The following XKR6 variants were observed in gnomAD, a reference collection of about 807,000 sequenced individuals.
XKR6 encodes XK-related protein 6.
XKR6 carries 22 observed loss-of-function variants against 56.7 expected under a neutral mutation model. The observed-to-expected ratio is 0.39, with a 90% CI of 0.28 to 0.55. The LOEUF is 0.55. Among genes scored for constraint, XKR6 ranks in the 20% least tolerant of loss-of-function variants. XKR6 has a pLI of 0.66. For synonymous variants in XKR6, 524 were observed against 387.8 expected, an observed-to-expected ratio of 1.35 and a Z score of -4.13; for missense variants, 852 against 889.0, an observed-to-expected ratio of 0.96 and a Z score of 0.53.
At chr8:11,076,872 G>A (rs17152810) in intron 1 of XKR6, among the ~76,000 whole-genome samples, 4,782 of 152,216 alleles carry the variant, frequency 0.031, 265 homozygotes, top group African/African-American at 0.11. Flanking sequence ...TGATTCCTTC[G>A]TCCATTCAAA....
At chr8:11,076,690 G>A (rs1313561730) in intron 1 of XKR6, among the ~76,000 whole-genome samples, 1 of 152,200 alleles carries the variant, frequency 6.6e-6, no homozygotes, top group African/African-American at 2.4e-5. Context: ...CAGTAAGGAA[G>A]GGTCCAGCTG....
intron 1 of XKR6, among the ~76,000 whole-genome samples, chr8:11,193,574 A>G (rs1486456283): frequency 1.3e-5 from 2 of 152,170 alleles, no homozygotes; most frequent in African/African-American, 4.8e-5. Flanking sequence ...CTTATACCTT[A>G]ATCTAAACAA....
intron 1 of XKR6, among the ~76,000 whole-genome samples, chr8:10,982,909 G>A (rs1421537460): frequency 6.6e-6 from 1 of 152,186 alleles, no homozygotes; most frequent in African/African-American, 2.4e-5. Context: ...TGGCTCCACT[G>A]GGACCCCATT....
intron 2 of XKR6, among the ~76,000 whole-genome samples, chr8:10,913,093 TAG>T (rs1165403879): frequency 1.3e-5 from 2 of 151,158 alleles, no homozygotes; most frequent in Admixed American, 6.6e-5. Flanking sequence ...TATCTATATA[TAG>T]AGAGAGAGTA....
In XKR6 at chr8:10,897,499, G is replaced by GT. The variant is rs1177458601; in HGVS notation, c.*452dup. 2.0e-5 allele frequency: 3 copies of GT among 153,188 alleles called. No homozygotes were observed. The highest frequency in any genetic ancestry group is 7.2e-5 in the African/African-American group (3 of 41,444). 9.5% of individuals were successfully genotyped at this position (153,188 alleles called of 1,614,324 possible). A position where few individuals can be genotyped will look rare whatever the true frequency, so the allele number is the denominator to read the frequency against. On this transcript the variant is annotated 3_prime_UTR_variant, in exon 3 of 3. Transcript: ENST00000416569. ...ACCTAAGGGCATAAGGCAGTTGAAG[G>GT]TTTTTTGTTTGTTTGTGTTTGTTTT...
intron 1 of XKR6, among the ~76,000 whole-genome samples, chr8:11,045,302 G>A (rs1292321671): frequency 2.6e-5 from 4 of 151,506 alleles, no homozygotes; most frequent in Non-Finnish European, 5.9e-5. Flanking sequence ...TGACTAGGCT[G>A]GTCTCGAACT....
chr8:10,924,576 C>A, intron 2 of XKR6, 58 bp downstream of exon 2: 1 of 1,553,646 alleles, frequency 6.4e-7, no homozygotes, highest in South Asian at 1.2e-5. Context: ...GGGAGGCGGC[C>A]GTGGTCCCCA....
intron 1 of XKR6, among the ~76,000 whole-genome samples, chr8:11,154,975 A>T (rs571257522): frequency 6.6e-6 from 1 of 152,352 alleles, no homozygotes; most frequent in South Asian, 2.1e-4. Flanking sequence ...GGAAAGACAA[A>T]TCAAGAAATA....
intron 1 of XKR6, among the ~76,000 whole-genome samples, chr8:11,015,029 G>A (rs1220866089): frequency 1.3e-5 from 2 of 152,170 alleles, no homozygotes; most frequent in African/African-American, 4.8e-5. Context: ...TGAGAGGACA[G>A]GGACTGATGA....
intron 1 of XKR6, chr8:11,107,983 A>G: frequency 3.1e-6 from 1 of 320,968 alleles, no homozygotes; most frequent in East Asian, 9.2e-5. Flanking sequence ...CTCGGTCCCA[A>G]TATTAGAGTT....
At chr8:11,035,170 C>A (rs761125495) in intron 1 of XKR6, 10 of 534,228 alleles carry the variant, frequency 1.9e-5, no homozygotes, top group Non-Finnish European at 3.5e-5. Flanking sequence ...CAGTCTCGTG[C>A]CCAGCCCAGC....
At chr8:11,120,612 C>T (rs567231136) in intron 1 of XKR6, among the ~76,000 whole-genome samples, 1 of 152,086 alleles carries the variant, frequency 6.6e-6, no homozygotes, top group East Asian at 1.9e-4. Flanking sequence ...CCATACTGCC[C>T]AAGGTAATTT....
Position 10,898,604 on chromosome 8 carries a change from A to G in XKR6, c.1274T>C (p.Val425Ala). Residue 425 changes from valine (V) to alanine (A), a missense_variant, in exon 3 of 3, where the codon GTG becomes GCG. Physicochemically the swap from Val to Ala is moderately conservative, Grantham distance 64. Coordinates refer to ENST00000416569, the MANE Select transcript of XKR6 (RefSeq NM_173683.4). This position sits in a 1 kb window ranked among gnomAD's most constrained non-coding sequence, Gnocchi z 6.6. ...GACGTTAAACCAGCAGAAAATGTAC[A>G]CGATCCCTACCACCATGTTGAAGAG... ...EILFNMVVGI[V>A]YIFCWFNVKE... The G allele has an allele frequency of 1.2e-6, 2 of 1,614,136 alleles. No homozygotes were observed. The highest frequency in any genetic ancestry group is 2.2e-5 in the South Asian group (2 of 91,062).
chr8:10,938,410 C>T (rs1801291859), intron 1 of XKR6, among the ~76,000 whole-genome samples: 1 of 152,204 alleles, frequency 6.6e-6, no homozygotes. Context: ...CCTATTCGGC[C>T]ATCTTGGCTC....
intron 1 of XKR6, among the ~76,000 whole-genome samples, chr8:10,968,592 C>T (rs1802303145): frequency 6.6e-6 from 1 of 152,220 alleles, no homozygotes; most frequent in Admixed American, 6.5e-5. Context: ...GACACCAGTC[C>T]TCGGTGTTTG....
At chr8:11,054,182 T>C (rs1274221124) in intron 1 of XKR6, among the ~76,000 whole-genome samples, 1 of 152,104 alleles carries the variant, frequency 6.6e-6, no homozygotes, top group South Asian at 2.1e-4. Flanking sequence ...TTTGAGAGAA[T>C]TGCATGCAAG....
intron 1 of XKR6, among the ~76,000 whole-genome samples, chr8:11,122,611 A>C (rs574092296): frequency 1.3e-5 from 2 of 152,228 alleles, no homozygotes; most frequent in Non-Finnish European, 2.9e-5. Flanking sequence ...TATTCTTTAG[A>C]TATCAGGCCA....
At chr8:11,073,563 A>G (rs57949532) in intron 1 of XKR6, among the ~76,000 whole-genome samples, 1,923 of 152,346 alleles carry the variant, frequency 0.013, 42 homozygotes, top group African/African-American at 0.044. Context: ...GCTGTAACAT[A>G]TGCACTGATC....
At chr8:10,962,108 C>T (rs769640010) in intron 1 of XKR6, among the ~76,000 whole-genome samples, 9 of 152,152 alleles carry the variant, frequency 5.9e-5, no homozygotes, top group African/African-American at 9.7e-5. Flanking sequence ...TGACTTTCCG[C>T]GGGGGCGACA....
Sources: allele counts gnomAD v4.1 joint callset (sites outside exome capture counted in the v4.1 genomes callset), GRCh38; gene constraint gnomAD v4.1.1; non-coding constraint Gnocchi (gnomAD v3.1); transcripts MANE v1.5; gene names NCBI Gene and HGNC (gene_info 2026-07-23, HGNC 2026-07-21).